PDZRN4: variants seen among roughly 807,000 people sequenced by gnomAD.
PDZRN4 encodes PDZ domain-containing RING finger protein 4.
Under a neutral mutation model 99.0 loss-of-function variants are expected in PDZRN4, and 70 were observed. The ratio of observed to expected loss-of-function variants is 0.71; its 90% CI spans 0.58 to 0.86. PDZRN4 has a LOEUF of 0.86. Ranked by LOEUF, PDZRN4 falls within the 40% of genes least tolerant of loss-of-function variation. The probability of loss-of-function intolerance (pLI) is 0.00; values close to 1 mark genes in which losing one functional copy is unlikely to be tolerated. For missense variants in PDZRN4, 1,474 were observed against 1,331.2 expected (o/e 1.11, Z -1.67); for synonymous variants, 551 against 501.6 (o/e 1.10, Z -1.32).
In PDZRN4 at chr12:41,277,084, A is replaced by G. The variant is rs531922378; in HGVS notation, c.843+82896A>G. On this transcript the variant is annotated intron_variant, in intron 3 of 9. Coordinates refer to ENST00000402685, the MANE Select transcript of PDZRN4 (RefSeq NM_001164595.2). ...CTTTAAAAGAGATTCACTTCTAGCA[A>G]CAAATTGAGTATGTTGTTGTAAATT... Among the ~76,000 whole-genome samples, 3 of 152,340 alleles carry G rather than the reference A, an allele frequency of 2.0e-5. No individual in the cohort carries two copies. The East Asian group carries it at 5.8e-4, about 29-fold the overall frequency.
intron 3 of PDZRN4, among the ~76,000 whole-genome samples, chr12:41,438,822 C>G (rs1321071518): frequency 6.6e-6 from 1 of 152,170 alleles, no homozygotes; most frequent in South Asian, 2.1e-4. Context: ...GGAGTGTATG[C>G]TCAAGTTCGA....
Position 41,322,487 on chromosome 12 carries a change from C to CTTTTTTTTT in PDZRN4, c.843+128312_843+128320dup, listed in dbSNP as rs71081724. On this transcript the variant is annotated intron_variant, in intron 3 of 9. Transcript: ENST00000402685. ...ACTTTGGAAATTTAGATTTTCTTTC[C>CTTTTTTTTT]TTTTTTTTTTTTTTTTTTTTTGAGA... Among the ~76,000 whole-genome samples the CTTTTTTTTT allele has an allele frequency of 1.4e-3, 130 of 91,218 alleles. 3 individuals are homozygous for CTTTTTTTTT. Among genetic ancestry groups the CTTTTTTTTT allele is most frequent in the East Asian group, 2.4e-3 (6 of 2,516 alleles). The allele number at this position is 91,218 out of a possible 152,430, so 59.8% of individuals were successfully genotyped here.
In PDZRN4 at chr12:41,492,255, G is replaced by A. The variant is rs370591646; in HGVS notation, c.844-14201G>A. ...ACTTATTATCTTATTTCTTTTATATGTAAAACCCTTGAATTTAAATCTTGC... is the reference window on the plus strand; with the variant it reads ...ACTTATTATCTTATTTCTTTTATATATAAAACCCTTGAATTTAAATCTTGC... On this transcript the variant is annotated intron_variant, in intron 3 of 9. Coordinates refer to ENST00000402685, the MANE Select transcript of PDZRN4 (RefSeq NM_001164595.2). Among the ~76,000 whole-genome samples the A allele has an allele frequency of 2.6e-5, 4 of 152,228 alleles. No homozygotes were observed. The East Asian group carries it at 7.7e-4, about 29-fold the overall frequency.
intron 3 of PDZRN4, among the ~76,000 whole-genome samples, chr12:41,273,655 T>C (rs1324519455): frequency 6.6e-6 from 1 of 152,054 alleles, no homozygotes; most frequent in Non-Finnish European, 1.5e-5. Flanking sequence ...AGAAAAAGTA[T>C]ATTCAGTCAG....
At chr12:41,357,210 A>G (rs1951934058) in intron 3 of PDZRN4, among the ~76,000 whole-genome samples, 1 of 151,552 alleles carries the variant, frequency 6.6e-6, no homozygotes, top group Admixed American at 6.6e-5. Context: ...CAAAAACACG[A>G]ACACACACAC....
chr12:41,504,552 G>C (rs948829695), intron 3 of PDZRN4, among the ~76,000 whole-genome samples: 1 of 152,050 alleles, frequency 6.6e-6, no homozygotes, highest in African/African-American at 2.4e-5. Flanking sequence ...TCAATGAAAG[G>C]GGCTAGATTT....
intron 3 of PDZRN4, among the ~76,000 whole-genome samples, chr12:41,328,521 A>T (rs954330375): frequency 2.0e-5 from 3 of 152,134 alleles, no homozygotes; most frequent in African/African-American, 7.2e-5. Flanking sequence ...TCTGTATCTA[A>T]AACAAATAGA....
intron 3 of PDZRN4, among the ~76,000 whole-genome samples, chr12:41,367,773 G>T (rs73274425): frequency 0.036 from 5,477 of 151,764 alleles, 332 homozygotes; most frequent in African/African-American, 0.12. Flanking sequence ...GAAGATTTGA[G>T]GAATCTATGA....
At chr12:41,505,649 GA>G in intron 3 of PDZRN4, among the ~76,000 whole-genome samples, 1 of 149,660 alleles carries the variant, frequency 6.7e-6, no homozygotes, top group South Asian at 2.2e-4. Flanking sequence ...TGCCCCTGTT[GA>G]AAAGCAATGA....
chr12:41,475,319 C>G (rs1479966777), intron 3 of PDZRN4, among the ~76,000 whole-genome samples: 3 of 152,104 alleles, frequency 2.0e-5, no homozygotes, highest in Non-Finnish European at 4.4e-5. Flanking sequence ...GGTCTCAGCT[C>G]TATCTTTTCC....
intron 3 of PDZRN4, among the ~76,000 whole-genome samples, chr12:41,349,861 G>T (rs939204735): frequency 1.7e-5 from 1 of 57,438 alleles, no homozygotes; most frequent in East Asian, 3.5e-4. Context: ...GTCAAAAAGG[G>T]CCTCATATAG....
intron 5 of PDZRN4, among the ~76,000 whole-genome samples, chr12:41,541,657 G>A (rs1202685938): frequency 6.6e-6 from 1 of 151,640 alleles, no homozygotes; most frequent in Non-Finnish European, 1.5e-5. Context: ...GTTTCACCGT[G>A]TTAGCCAGGA....
chr12:41,375,663 T>G (rs80110048), intron 3 of PDZRN4, among the ~76,000 whole-genome samples: 9 of 152,158 alleles, frequency 5.9e-5, no homozygotes, highest in African/African-American at 2.2e-4. Context: ...AATGGTTTGA[T>G]ATACCTATAT....
chr12:41,437,922 G>A (rs1952644967), intron 3 of PDZRN4: 1 of 1,609,814 alleles, frequency 6.2e-7, no homozygotes, highest in African/African-American at 1.3e-5. Flanking sequence ...TAGAAGATTT[G>A]CTCTCTCTCT....
intron 3 of PDZRN4, among the ~76,000 whole-genome samples, chr12:41,205,871 T>A (rs959363102): frequency 2.7e-4 from 41 of 151,946 alleles, no homozygotes; most frequent in African/African-American, 9.9e-4. Flanking sequence ...AAACCTTCCC[T>A]TCTTCCCCTG....
At chr12:41,532,222 A>C (rs1293395107) in intron 5 of PDZRN4, among the ~76,000 whole-genome samples, 1 of 152,142 alleles carries the variant, frequency 6.6e-6, no homozygotes, top group Non-Finnish European at 1.5e-5. Flanking sequence ...TCATAAATCA[A>C]GTTTCTGTAT....
At chr12:41,556,915 C>T (rs528457233) in intron 7 of PDZRN4, among the ~76,000 whole-genome samples, 2 of 151,754 alleles carry the variant, frequency 1.3e-5, no homozygotes, top group Admixed American at 6.6e-5. Flanking sequence ...TTTGGAAGGC[C>T]GAGGCAGGCA....
rs922203723 is a variant in PDZRN4, at chr12:41,416,788, T to C, written c.844-89668T>C. Among the ~76,000 whole-genome samples, 7 of 152,344 alleles carry C rather than the reference T, an allele frequency of 4.6e-5. No individual in the cohort carries two copies. In the East Asian group the frequency reaches 5.8e-4, roughly 13 times the overall value. On this transcript the variant is annotated intron_variant, in intron 3 of 9. Coordinates refer to ENST00000402685, the MANE Select transcript of PDZRN4 (RefSeq NM_001164595.2). ...GGTTTTCTTCCCTGGGTAGATGTTC[T>C]AGTTTTGTTCAAGTTGGTTCTGAAG...
chr12:41,226,803 C>A (rs1950998191), intron 3 of PDZRN4, among the ~76,000 whole-genome samples: 1 of 152,034 alleles, frequency 6.6e-6, no homozygotes, highest in Admixed American at 6.6e-5. Flanking sequence ...AAGAAAATAC[C>A]AAATAATCAG....
Sources: allele counts gnomAD v4.1 joint callset (sites outside exome capture counted in the v4.1 genomes callset), GRCh38; gene constraint gnomAD v4.1.1; transcripts MANE v1.5; gene names NCBI Gene and HGNC (gene_info 2026-07-23, HGNC 2026-07-21).